The following TMEM74 variants were observed in gnomAD, a reference collection of about 807,000 sequenced individuals.
TMEM74 encodes transmembrane protein 74.
In TMEM74, 13 loss-of-function variants were observed where a neutral mutation model predicts 18.1. The observed-to-expected ratio is 0.72, with a 90% CI of 0.47 to 1.14. TMEM74 has a LOEUF of 1.14. Among genes scored for constraint, TMEM74 ranks in the 50% most tolerant of loss-of-function variants. TMEM74 has a pLI of 0.00. For synonymous variants in TMEM74, 159 were observed against 146.6 expected (o/e 1.08, Z -0.61); for missense variants, 372 against 375.9 (o/e 0.99, Z 0.09).
At chr8:108,696,776 G>A (rs1221764777) in intron 1 of TMEM74, among the ~76,000 whole-genome samples, 1 of 152,120 alleles carries the variant, frequency 6.6e-6, no homozygotes, top group Non-Finnish European at 1.5e-5. Flanking sequence ...AAATATAATT[G>A]ACAAAATTTA....
chr8:108,784,822 T>A lies in TMEM74; in HGVS notation c.277A>T (p.Ile93Leu), dbSNP rs773909004. ...PGLLHSGNNQ[I>L]TAERKVCNCC... ...TTACAGACTTTCCGTTCCGCTGTTA[T>A]TTGGTTGTTCCCTGAGTGGAGAAGT... is the stretch of plus-strand genomic sequence containing the variant. Residue 93 changes from isoleucine (I) to leucine (L), a missense_variant, in exon 2 of 2, where the codon ATA (isoleucine) becomes TTA (leucine). Coordinates refer to ENST00000297459, the MANE Select transcript of TMEM74 (RefSeq NM_153015.3). 6.2e-7 allele frequency: 1 copy of A among 1,614,200 alleles called. No individual in the cohort carries two copies.
At chr8:108,656,296 T>C (rs1812820747) in intron 1 of TMEM74, among the ~76,000 whole-genome samples, 1 of 152,080 alleles carries the variant, frequency 6.6e-6, no homozygotes, top group Admixed American at 6.6e-5. Context: ...CCACAGTGAG[T>C]GGGTGAATAA....
intron 2 of TMEM74, among the ~76,000 whole-genome samples, chr8:108,618,265 A>G (rs1812405812): frequency 6.6e-6 from 1 of 152,184 alleles, no homozygotes; most frequent in African/African-American, 2.4e-5. Context: ...ATTTTGGAGC[A>G]GTAGCAATGG....
intron 2 of TMEM74, among the ~76,000 whole-genome samples, chr8:108,609,052 T>C (rs2935784): frequency 0.21 from 32,538 of 152,076 alleles, 3,506 homozygotes; most frequent in East Asian, 0.27. Flanking sequence ...GTAAAAACCT[T>C]GAGTCAGTTT....
At chr8:108,722,713 C>T (rs1346156001) in intron 1 of TMEM74, among the ~76,000 whole-genome samples, 2 of 151,940 alleles carry the variant, frequency 1.3e-5, no homozygotes, top group South Asian at 2.1e-4. Flanking sequence ...GCATCTATCT[C>T]CCAGAAACCT....
rs1814318096 is a variant in TMEM74, at chr8:108,782,380, A to G, written c.*1801T>C. On this transcript the variant is annotated 3_prime_UTR_variant, in exon 2 of 2. Transcript: ENST00000297459. Reference sequence around the variant, plus strand: ...TCAGTAATCAGTATTGCTCTATAACATAAGGCAATTAACTACATCTAGCTT... The same window carrying G: ...TCAGTAATCAGTATTGCTCTATAACGTAAGGCAATTAACTACATCTAGCTT... 6.6e-6 allele frequency among the ~76,000 whole-genome samples: 1 copy of G among 152,232 alleles called. No homozygotes were observed. The highest frequency in any genetic ancestry group is 2.4e-5 in the African/African-American group (1 of 41,464).
chr8:108,709,716 A>G (rs1254323764), intron 1 of TMEM74, among the ~76,000 whole-genome samples: 1 of 152,126 alleles, frequency 6.6e-6, no homozygotes, highest in African/African-American at 2.4e-5. Context: ...TCAAACAAAA[A>G]TACTCCCCAA....
intron 1 of TMEM74, among the ~76,000 whole-genome samples, chr8:108,680,376 A>T (rs1289338389): frequency 6.6e-6 from 1 of 152,224 alleles, no homozygotes; most frequent in Non-Finnish European, 1.5e-5. Flanking sequence ...GCAAATCAAT[A>T]AATGTAATCC....
intron 2 of TMEM74, among the ~76,000 whole-genome samples, chr8:108,615,831 T>TTTTTTTTC (rs1812377421): frequency 6.9e-6 from 1 of 145,388 alleles, no homozygotes; most frequent in African/African-American, 2.6e-5. Flanking sequence ...TTTTTTTTTT[T>TTTTTTTTC]TTTTTTTTTT....
chr8:108,759,342 C>G (rs1814013885), intron 1 of TMEM74, among the ~76,000 whole-genome samples: 1 of 152,016 alleles, frequency 6.6e-6, no homozygotes, highest in South Asian at 2.1e-4. Context: ...TTGACAGTAT[C>G]TATCAAAACG....
chr8:108,672,254 A>G (rs1028103039), intron 1 of TMEM74, among the ~76,000 whole-genome samples: 2 of 152,176 alleles, frequency 1.3e-5, no homozygotes, highest in African/African-American at 4.8e-5. Flanking sequence ...GGGGAGGAAA[A>G]GAAGAAAAAA....
At chr8:108,649,427 ACT>A (rs1190743169) in intron 2 of TMEM74, among the ~76,000 whole-genome samples, 1 of 151,982 alleles carries the variant, frequency 6.6e-6, no homozygotes, top group Non-Finnish European at 1.5e-5. Flanking sequence ...AGTAACAATA[ACT>A]CTTATTTATT....
chr8:108,617,525 T>C (rs1586235175), intron 2 of TMEM74, among the ~76,000 whole-genome samples: 1 of 152,126 alleles, frequency 6.6e-6, no homozygotes. Context: ...CTAAGATTCC[T>C]CCATTCAAAC....
chr8:108,747,152 G>A (rs945964060), intron 1 of TMEM74, among the ~76,000 whole-genome samples: 8 of 152,062 alleles, frequency 5.3e-5, no homozygotes, highest in Admixed American at 3.3e-4. Flanking sequence ...CCCTCAACCT[G>A]TTGGGATCTG....
At chr8:108,618,711 A>G (rs1293252518) in intron 2 of TMEM74, among the ~76,000 whole-genome samples, 7 of 152,162 alleles carry the variant, frequency 4.6e-5, no homozygotes, top group South Asian at 2.1e-4. Flanking sequence ...TTGAAATGCC[A>G]TTTACTTTCT....
intron 1 of TMEM74, among the ~76,000 whole-genome samples, chr8:108,711,311 T>A (rs1813473083): frequency 6.6e-6 from 1 of 152,206 alleles, no homozygotes; most frequent in Non-Finnish European, 1.5e-5. Context: ...ATTAAAAGGA[T>A]ATTCCATAAA....
chr8:108,771,156 A>G (rs928224183), intron 1 of TMEM74, among the ~76,000 whole-genome samples: 1 of 152,098 alleles, frequency 6.6e-6, no homozygotes, highest in African/African-American at 2.4e-5. Flanking sequence ...CTCATTTCAA[A>G]GTTTTTCACT....
Position 108,665,390 on chromosome 8 carries a change from A to C in TMEM74, n.120-9953T>G, listed in dbSNP as rs75466418. 2.6e-3 allele frequency among the ~76,000 whole-genome samples: 396 copies of C among 152,116 alleles called. 10 individuals are homozygous for C. The East Asian group carries it at 0.068, about 26-fold the overall frequency. ...GATAATCTGGAATCCTGGATAAGAG[A>C]AATGGGCATCAGGGAGAAAGAGTAG... is the stretch of plus-strand genomic sequence containing the variant. On this transcript the variant is annotated intron_variant and non_coding_transcript_variant, in intron 1 of 3. Coordinates refer to the TMEM74 transcript ENST00000518838.
chr8:108,742,096 T>C (rs1268951523), intron 1 of TMEM74, among the ~76,000 whole-genome samples: 1 of 151,882 alleles, frequency 6.6e-6, no homozygotes, highest in African/African-American at 2.4e-5. Flanking sequence ...ACCTGAATAA[T>C]GAGAAATCAC....
Sources: allele counts gnomAD v4.1 joint callset (sites outside exome capture counted in the v4.1 genomes callset), GRCh38; gene constraint gnomAD v4.1.1; transcripts MANE v1.5; gene names NCBI Gene and HGNC (gene_info 2026-07-23, HGNC 2026-07-21).